FREM3: variants seen among roughly 807,000 people sequenced by gnomAD.
The protein encoded by FREM3 is FRAS1 related extracellular matrix 3, also known as FRAS1-related extracellular matrix protein 3.
Under a neutral mutation model 129.1 loss-of-function variants are expected in FREM3, and 105 were observed. The ratio of observed to expected loss-of-function variants is 0.81; its 90% CI spans 0.69 to 0.96. The LOEUF (loss-of-function observed/expected upper bound fraction) is 0.96, where lower values mean the gene tolerates loss of function less well. Among genes scored for constraint, FREM3 ranks in the 40% least tolerant of loss-of-function variants. FREM3 has a pLI of 0.00. For missense variants in FREM3, 2,593 were observed against 2,666.3 expected (o/e 0.97, Z 0.61); for synonymous variants, 1,014 against 1,044.9 (o/e 0.97, Z 0.57).
At chr4:143,590,162 A>G (rs1738330605) in intron 6 of FREM3, among the ~76,000 whole-genome samples, 1 of 152,124 alleles carries the variant, frequency 6.6e-6, no homozygotes, top group Admixed American at 6.5e-5. Flanking sequence ...TTTTCTAGAT[A>G]TACAATCATG....
rs2149834017 is a variant in FREM3 at position 143,587,876 on chromosome 4, A to C, written c.6029-1883T>G. 3.3e-5 allele frequency among the ~76,000 whole-genome samples: 5 copies of C among 152,294 alleles called. No homozygotes were observed. The Middle Eastern group carries it at 0.017, about 518-fold the overall frequency. ...ATTCCTCAACCTATTTAGCATTTGG[A>C]AGTACCTCTGTTCAGCCCTCTAGAT... On this transcript the variant is annotated intron_variant, in intron 6 of 7. Coordinates refer to ENST00000329798, the MANE Select transcript of FREM3 (RefSeq NM_001168235.2).
chr4:143,592,884 C>T (rs560571131), intron 6 of FREM3, among the ~76,000 whole-genome samples: 238 of 152,316 alleles, frequency 1.6e-3, no homozygotes, highest in African/African-American at 5.5e-3. Flanking sequence ...ACCAGTCAGA[C>T]GTAGATTTGG....
chr4:143,597,798 T>G (rs1211467998), intron 6 of FREM3, among the ~76,000 whole-genome samples: 1 of 152,212 alleles, frequency 6.6e-6, no homozygotes, highest in Non-Finnish European at 1.5e-5. Flanking sequence ...AAAGACATCC[T>G]GTGTTCATTA....
chr4:143,622,308 G>C (rs1194573230), intron 4 of FREM3, among the ~76,000 whole-genome samples: 1 of 151,436 alleles, frequency 6.6e-6, no homozygotes, highest in East Asian at 1.9e-4. Flanking sequence ...TGGCCAGGCT[G>C]GTCTCGAACT....
At chr4:143,626,721 A>G (rs1739042985) in intron 3 of FREM3, among the ~76,000 whole-genome samples, 1 of 152,044 alleles carries the variant, frequency 6.6e-6, no homozygotes, top group Admixed American at 6.6e-5. Flanking sequence ...TCCTAGGAGA[A>G]CAGTCCTATT....
At position 143,699,579 on chromosome 4, in the gene FREM3, G is replaced by A; in HGVS notation, c.1097C>T (p.Thr366Ile). 1 of 1,535,200 alleles carries A rather than the reference G, an allele frequency of 6.5e-7. No homozygotes were observed. The change falls in exon 1 of 8, where the codon ACC becomes ATC. Residue 366 changes from threonine (T) to isoleucine (I), a missense_variant. This residue lies in a region of FREM3 where 2,276 missense variants were observed against 2,267.2 expected (regional missense o/e 1.00). Transcript: ENST00000329798. This position sits in a 1 kb window ranked among gnomAD's most constrained non-coding sequence, Gnocchi z 4.2. ...GACTGGAAGCCCTAGAGGGTCGTCG[G>A]TGCTGACCACGTAGCCCTGTTGCCC... ...HPGQQGYVVS[T>I]DDPLGLPVSF...
At chr4:143,600,250 A>G (rs1054447177) in intron 6 of FREM3, among the ~76,000 whole-genome samples, 4 of 152,134 alleles carry the variant, frequency 2.6e-5, no homozygotes, top group African/African-American at 9.7e-5. Flanking sequence ...ACTAAACATC[A>G]TTTTGTTCTC....
At chr4:143,623,316 A>C (rs149592516) in intron 4 of FREM3, among the ~76,000 whole-genome samples, 1 of 152,214 alleles carries the variant, frequency 6.6e-6, no homozygotes, top group Non-Finnish European at 1.5e-5. Context: ...TGTCTATTAC[A>C]CTAACATTCT....
At chr4:143,662,621 C>T in intron 2 of FREM3, among the ~76,000 whole-genome samples, 1 of 151,756 alleles carries the variant, frequency 6.6e-6, no homozygotes, top group East Asian at 1.9e-4. Flanking sequence ...GAGCTGAGTT[C>T]AATTCCTGGA....
chr4:143,657,452 C>T (rs571742726), intron 2 of FREM3, among the ~76,000 whole-genome samples: 3 of 152,302 alleles, frequency 2.0e-5, no homozygotes, highest in South Asian at 4.1e-4. Flanking sequence ...TTTTGCAAAT[C>T]AGGACCTTAG....
chr4:143,648,060 T>C (rs1193904353), intron 2 of FREM3, among the ~76,000 whole-genome samples: 1 of 152,226 alleles, frequency 6.6e-6, no homozygotes, highest in Non-Finnish European at 1.5e-5. Context: ...ACCTCGTGCA[T>C]CAGCATGACC....
chr4:143,585,807 T>C lies in FREM3; in HGVS notation c.6178+37A>G. Reference sequence around the variant, plus strand: ...GACTAGACTCCACCATAAACATGTATCATGATAATGATATATTCTTTAAGT... The same window carrying C: ...GACTAGACTCCACCATAAACATGTACCATGATAATGATATATTCTTTAAGT... On this transcript the variant is annotated intron_variant, in intron 7 of 7. Coordinates refer to ENST00000329798, the MANE Select transcript of FREM3 (RefSeq NM_001168235.2). The surrounding 1 kb of genome is among the most constrained non-coding windows in gnomAD (Gnocchi z 4.2). 1 of 1,531,618 alleles carries C rather than the reference T, an allele frequency of 6.5e-7. No homozygotes were observed. The highest frequency in any genetic ancestry group is 1.7e-4 in the Middle Eastern group (1 of 5,960). 94.9% of individuals were successfully genotyped at this position (1,531,618 alleles called of 1,614,324 possible).
intron 2 of FREM3, among the ~76,000 whole-genome samples, chr4:143,627,992 T>A (rs931304994): frequency 6.6e-6 from 1 of 152,140 alleles, no homozygotes; most frequent in African/African-American, 2.4e-5. Flanking sequence ...AGGTGCCTCC[T>A]ATTCCCAAAG....
intron 6 of FREM3, among the ~76,000 whole-genome samples, chr4:143,593,235 C>T (rs1289692805): frequency 2.0e-5 from 3 of 152,194 alleles, no homozygotes; most frequent in Non-Finnish European, 2.9e-5. Flanking sequence ...TCTCTCAACT[C>T]GTCAAAGTCA....
rs976231285 is a variant in FREM3 at position 143,697,949 on chromosome 4, C to T, written c.2727G>A (p.Thr909=). The change falls in exon 1 of 8, where the codon ACG becomes ACA. Residue 909 remains threonine (T), a synonymous_variant. Coordinates refer to ENST00000329798, the MANE Select transcript of FREM3 (RefSeq NM_001168235.2). ...SVSYQHGRDQ[T]TTSDTFHLEV... is the part of the protein sequence containing the mutation. ...CCAGATGGAAAGTGTCACTGGTAGTCGTCTGGTCTCTGCCATGCTGGTAAG... is the reference window on the plus strand; with the variant it reads ...CCAGATGGAAAGTGTCACTGGTAGTTGTCTGGTCTCTGCCATGCTGGTAAG... 20 of 1,537,652 alleles carry T rather than the reference C, an allele frequency of 1.3e-5. No individual in the cohort carries two copies. Among genetic ancestry groups the T allele is most frequent in the Middle Eastern group, 3.3e-4 (2 of 6,016 alleles).
intron 6 of FREM3, 24 bp downstream of exon 6, chr4:143,611,255 T>G: frequency 6.6e-7 from 1 of 1,523,750 alleles, no homozygotes; most frequent in Non-Finnish European, 8.8e-7. Flanking sequence ...TTGCCAAAGG[T>G]TGGAAAGCAA....
chr4:143,673,307 A>G (rs1416089832), intron 2 of FREM3, among the ~76,000 whole-genome samples: 3 of 152,286 alleles, frequency 2.0e-5, no homozygotes, highest in East Asian at 3.9e-4. Context: ...TTTTCCTTCT[A>G]ACAGTCAGGA....
intron 2 of FREM3, among the ~76,000 whole-genome samples, chr4:143,636,687 T>G (rs1021492017): frequency 2.0e-5 from 3 of 152,088 alleles, no homozygotes; most frequent in Non-Finnish European, 4.4e-5. Flanking sequence ...ACTTAATTAC[T>G]AATTCTAATT....
At chr4:143,670,908 T>A (rs1479877030) in intron 2 of FREM3, among the ~76,000 whole-genome samples, 2 of 152,136 alleles carry the variant, frequency 1.3e-5, no homozygotes, top group African/African-American at 4.8e-5. Context: ...TAAGCCTGTG[T>A]TTCATTTTTA....
Sources: gnomAD v4.1 joint callset for allele counts (sites outside exome capture counted in the v4.1 genomes callset) on GRCh38, gnomAD v4.1.1 for gene constraint, gnomAD v4.1.1 regional missense constraint, Gnocchi (gnomAD v3.1) non-coding constraint, MANE v1.5 for transcripts, NCBI Gene and HGNC (gene_info 2026-07-23, HGNC 2026-07-21) for gene names.